TBC1D22A: variants seen among roughly 807,000 people sequenced by gnomAD.
TBC1D22A encodes TBC1 domain family member 22A, also known as putative GTPase activator.
TBC1D22A carries 38 observed loss-of-function variants against 60.2 expected under a neutral mutation model. The ratio of observed to expected loss-of-function variants is 0.63; its 90% CI spans 0.49 to 0.83. The LOEUF (loss-of-function observed/expected upper bound fraction) is 0.83, where lower values mean the gene tolerates loss of function less well. TBC1D22A is among the 40% of genes least tolerant of loss of function. TBC1D22A has a pLI of 0.00. For synonymous variants in TBC1D22A, 302 were observed against 281.7 expected, an observed-to-expected ratio of 1.07 and a Z score of -0.72; for missense variants, 628 against 701.0, an observed-to-expected ratio of 0.90 and a Z score of 1.18.
intron 4 of TBC1D22A, among the ~76,000 whole-genome samples, chr22:46,844,863 G>T (rs1159078991): frequency 6.6e-6 from 1 of 152,168 alleles, no homozygotes; most frequent in Non-Finnish European, 1.5e-5. Context: ...GAGACTGTTG[G>T]GTTGGAGATG....
chr22:47,134,782 G>T (rs1340347455), intron 12 of TBC1D22A, among the ~76,000 whole-genome samples: 2 of 152,208 alleles, frequency 1.3e-5, no homozygotes, highest in East Asian at 3.9e-4. Context: ...CTCATGTCCT[G>T]GGTTTCTGAT....
intron 8 of TBC1D22A, among the ~76,000 whole-genome samples, chr22:46,962,789 A>G (rs949150399): frequency 1.3e-5 from 2 of 152,242 alleles, no homozygotes; most frequent in African/African-American, 4.8e-5. Context: ...ACCTATGTAG[A>G]AACAAATTGG....
intron 4 of TBC1D22A, among the ~76,000 whole-genome samples, chr22:46,856,550 C>T (rs1207878777): frequency 4.6e-5 from 7 of 152,052 alleles, no homozygotes; most frequent in Admixed American, 6.6e-5. Context: ...ACATTGGCTG[C>T]GGGATCAATG....
chr22:46,840,820 A>G (rs1425058688), intron 4 of TBC1D22A, among the ~76,000 whole-genome samples: 3 of 152,154 alleles, frequency 2.0e-5, no homozygotes, highest in Non-Finnish European at 4.4e-5. Context: ...GGGAATGTAA[A>G]TTGATATAGC....
intron 11 of TBC1D22A, among the ~76,000 whole-genome samples, chr22:47,060,689 T>C (rs1200570143): frequency 6.6e-6 from 1 of 152,154 alleles, no homozygotes. Flanking sequence ...GCCTCTGACT[T>C]TCTTTTTGGG....
chr22:46,911,136 A>G (rs2069886709), intron 7 of TBC1D22A, among the ~76,000 whole-genome samples: 1 of 152,080 alleles, frequency 6.6e-6, no homozygotes. Context: ...TGGTATAATG[A>G]AACCCTCCTT....
intron 12 of TBC1D22A, among the ~76,000 whole-genome samples, chr22:47,145,280 A>T (rs1186247507): frequency 6.6e-6 from 1 of 152,160 alleles, no homozygotes; most frequent in African/African-American, 2.4e-5. Flanking sequence ...TTACGTGCCC[A>T]GGTGACTGCC....
chr22:47,082,614 AAC>A (rs1340554385), intron 11 of TBC1D22A, among the ~76,000 whole-genome samples: 1 of 152,252 alleles, frequency 6.6e-6, no homozygotes, highest in African/African-American at 2.4e-5. Flanking sequence ...ATGGCCAACA[AAC>A]ACTTGAAAAA....
At chr22:47,147,917 A>C (rs992206693) in intron 12 of TBC1D22A, among the ~76,000 whole-genome samples, 1 of 152,166 alleles carries the variant, frequency 6.6e-6, no homozygotes, top group African/African-American at 2.4e-5. Context: ...AGGGCTTGGC[A>C]TGAAGCTGGG....
chr22:46,807,524 G>T (rs1270494597), intron 4 of TBC1D22A, among the ~76,000 whole-genome samples: 2 of 152,152 alleles, frequency 1.3e-5, no homozygotes, highest in East Asian at 3.9e-4. Context: ...TTGACGACAC[G>T]CTGGCACTAC....
chr22:46,972,343 G>A (rs1015231506), intron 8 of TBC1D22A, among the ~76,000 whole-genome samples: 3 of 152,096 alleles, frequency 2.0e-5, no homozygotes, highest in Non-Finnish European at 4.4e-5. Context: ...GACAGATCCC[G>A]CCCACGGGAC....
Position 46,997,566 on chromosome 22 carries a change from C to A in TBC1D22A, c.1126-68C>A. The A allele has an allele frequency of 2.3e-6, 3 of 1,324,676 alleles. No homozygotes were observed. The South Asian group carries it at 3.6e-5, about 16-fold the overall frequency. The allele number at this position is 1,324,676 out of a possible 1,614,324, so 82.1% of individuals were successfully genotyped here. On this transcript the variant is annotated intron_variant, in intron 9 of 12. Transcript: ENST00000337137. ...AAGCTGTTCACTTTATCCCAGCTGC[C>A]TTTTTCCCTTTTGGAAAGTTTGTTT...
At chr22:46,801,087 A>AAATC (rs1271476137) in intron 4 of TBC1D22A, among the ~76,000 whole-genome samples, 1 of 152,374 alleles carries the variant, frequency 6.6e-6, no homozygotes, top group Non-Finnish European at 1.5e-5. Flanking sequence ...TAGCACGTAA[A>AAATC]AATCAAGTAT....
rs569094001 is a variant in TBC1D22A at position 46,819,709 on chromosome 22, G to A, written c.637+22089G>A. Among the ~76,000 whole-genome samples the A allele has an allele frequency of 2.0e-5, 3 of 152,174 alleles. No homozygotes were observed. The South Asian group carries it at 6.2e-4, about 32-fold the overall frequency. ...TGGCCTGAAGTTTTCTTTTTTTGTTGTGTCTCTTACCAGTTTTGGACTGAG... is the reference window on the plus strand; with the variant it reads ...TGGCCTGAAGTTTTCTTTTTTTGTTATGTCTCTTACCAGTTTTGGACTGAG... On this transcript the variant is annotated intron_variant, in intron 4 of 12. Coordinates refer to ENST00000337137, the MANE Select transcript of TBC1D22A (RefSeq NM_014346.5).
At chr22:46,997,759 C>T (rs1042749820) in intron 10 of TBC1D22A, 50 bp downstream of exon 10, 4 of 1,571,566 alleles carry the variant, frequency 2.5e-6, no homozygotes, top group Non-Finnish European at 1.7e-6. Context: ...GGGAGGTGGC[C>T]CTCAGCCCTC....
chr22:46,966,465 T>G (rs1017405538), intron 8 of TBC1D22A, among the ~76,000 whole-genome samples: 4 of 152,258 alleles, frequency 2.6e-5, no homozygotes, highest in Non-Finnish European at 2.9e-5. Context: ...TCCCACAGTT[T>G]CTCACACATA....
At chr22:46,791,285 A>G (rs1390514220) in intron 1 of TBC1D22A, among the ~76,000 whole-genome samples, 2 of 152,158 alleles carry the variant, frequency 1.3e-5, no homozygotes, top group Non-Finnish European at 2.9e-5. Context: ...GCCTCCCAAC[A>G]TTGCCAGTAT....
At chr22:46,991,954 C>T (rs1475620421) in intron 9 of TBC1D22A, among the ~76,000 whole-genome samples, 2 of 152,228 alleles carry the variant, frequency 1.3e-5, no homozygotes, top group Non-Finnish European at 2.9e-5. Flanking sequence ...AAGTGGTCTT[C>T]CAGGACCAGC....
chr22:47,151,835 G>T (rs905296745), intron 12 of TBC1D22A, among the ~76,000 whole-genome samples: 2 of 152,222 alleles, frequency 1.3e-5, no homozygotes, highest in Non-Finnish European at 2.9e-5. Context: ...TCACCCAGGG[G>T]ACGGGGAGGA....
Sources: gnomAD v4.1 joint callset for allele counts (sites outside exome capture counted in the v4.1 genomes callset) on GRCh38, gnomAD v4.1.1 for gene constraint, MANE v1.5 for transcripts, NCBI Gene and HGNC (gene_info 2026-07-23, HGNC 2026-07-21) for gene names.